PPA1: variants seen among roughly 807,000 people sequenced by gnomAD.
PPA1 encodes inorganic pyrophosphatase 1, also known as inorganic pyrophosphatase.
A neutral mutation model predicts 41.8 loss-of-function variants in PPA1; 23 were observed. The observed-to-expected ratio is 0.55, with a 90% CI of 0.40 to 0.78. The LOEUF is 0.78. Ranked by LOEUF, PPA1 falls within the 30% of genes least tolerant of loss-of-function variation. The probability of loss-of-function intolerance (pLI) is 0.00; values close to 1 mark genes in which losing one functional copy is unlikely to be tolerated. For missense variants in PPA1, 320 were observed against 361.6 expected (o/e 0.89, Z 0.93); for synonymous variants, 101 against 116.8 (o/e 0.86, Z 0.87).
Position 70,213,453 on chromosome 10 carries a change from A to G in PPA1, c.511+10T>C. On this transcript the variant is annotated intron_variant, in intron 6 of 10. Coordinates refer to ENST00000373232, the MANE Select transcript of PPA1 (RefSeq NM_021129.4). Reference sequence around the variant, plus strand: ...ATTAGAAAGACTTCAGACTTTTCAAATTTTCTTACCATTATAATTGGCTGC... The same window carrying G: ...ATTAGAAAGACTTCAGACTTTTCAAGTTTTCTTACCATTATAATTGGCTGC... 2 of 1,613,458 alleles carry G rather than the reference A, an allele frequency of 1.2e-6. No homozygotes were observed. The highest frequency in any genetic ancestry group is 1.7e-6 in the Non-Finnish European group (2 of 1,179,658).
chr10:70,229,598 G>T (rs1020214898), intron 2 of PPA1, among the ~76,000 whole-genome samples: 1 of 147,484 alleles, frequency 6.8e-6, no homozygotes, highest in African/African-American at 2.7e-5. Context: ...TATCTTAACT[G>T]TGCAAATCTT....
chr10:70,218,093 C>A (rs774717852), intron 3 of PPA1, among the ~76,000 whole-genome samples, 162 bp from the exon 4 acceptor site: 3 of 151,956 alleles, frequency 2.0e-5, no homozygotes, highest in Non-Finnish European at 4.4e-5. Flanking sequence ...TTTCCATAAT[C>A]GGCCATTAAG....
chr10:70,221,770 C>T (rs536910406), intron 2 of PPA1, among the ~76,000 whole-genome samples: 3 of 152,096 alleles, frequency 2.0e-5, no homozygotes, highest in African/African-American at 7.2e-5. Flanking sequence ...CTGTTAATTT[C>T]GTTAAAACAC....
chr10:70,215,961 G>T (rs928649709), intron 4 of PPA1, among the ~76,000 whole-genome samples: 5 of 152,178 alleles, frequency 3.3e-5, no homozygotes, highest in African/African-American at 1.2e-4. Flanking sequence ...AGGATGTTAG[G>T]TTTAAAATGT....
At chr10:70,223,574 G>A (rs866202878) in intron 2 of PPA1, among the ~76,000 whole-genome samples, 1 of 152,054 alleles carries the variant, frequency 6.6e-6, no homozygotes, top group Non-Finnish European at 1.5e-5. Flanking sequence ...TACTACTAAA[G>A]AACAACCTTC....
intron 2 of PPA1, among the ~76,000 whole-genome samples, chr10:70,222,517 C>A (rs1840185277): frequency 6.6e-6 from 1 of 151,994 alleles, no homozygotes; most frequent in African/African-American, 2.4e-5. Flanking sequence ...GTTCTTTTAA[C>A]TCCCAAAGAG....
chr10:70,221,101 G>T (rs1840163819), intron 2 of PPA1, among the ~76,000 whole-genome samples: 2 of 66,014 alleles, frequency 3.0e-5, no homozygotes. Flanking sequence ...TTTTTGTAGA[G>T]ATGGAGCTTT....
chr10:70,206,481 T>A (rs1839940087), intron 8 of PPA1, 148 bp from the exon 9 acceptor site: 1 of 632,626 alleles, frequency 1.6e-6, no homozygotes, highest in South Asian at 1.9e-5. Flanking sequence ...ATTCTAATTA[T>A]GTATTTTGGC....
At chr10:70,229,892 AC>A (rs1227228610) in intron 2 of PPA1, among the ~76,000 whole-genome samples, 1 of 151,830 alleles carries the variant, frequency 6.6e-6, no homozygotes, top group African/African-American at 2.4e-5. Context: ...TAGTTTTAAG[AC>A]TAACTTCTTA....
At chr10:70,232,863 G>C (rs7089806) in intron 1 of PPA1, among the ~76,000 whole-genome samples, 106,548 of 147,470 alleles carry the variant, frequency 0.72, 38,759 homozygotes, top group Non-Finnish European at 0.8. Flanking sequence ...TGCCCCCCCC[G>C]GCCCGGAGTC....
intron 1 of PPA1, among the ~76,000 whole-genome samples, chr10:70,232,255 AGAGTTC>A (rs1487101617): frequency 6.6e-6 from 1 of 152,152 alleles, no homozygotes; most frequent in Non-Finnish European, 1.5e-5. Flanking sequence ...ACACCAACTC[AGAGTTC>A]GAGGCACCTG....
At position 70,233,415 on chromosome 10, in the gene PPA1, C is replaced by A. The variant is rs1840316126; in HGVS notation, c.-88G>T. 1.4e-6 allele frequency: 2 copies of A among 1,474,828 alleles called. No individual in the cohort carries two copies. Among genetic ancestry groups the A allele is most frequent in the East Asian group, 5.5e-5 (2 of 36,044 alleles). 91.4% of individuals were successfully genotyped at this position (1,474,828 alleles called of 1,614,324 possible). A position where few individuals can be genotyped will look rare whatever the true frequency, so the allele number is the denominator to read the frequency against. ...ACAAGGAGAGAGCCCCACGCCTGCG[C>A]ACTGCGAGCACTGGACCGGCGGGCG... On this transcript the variant is annotated 5_prime_UTR_variant, in exon 1 of 11. Transcript: ENST00000373232.
intron 4 of PPA1, among the ~76,000 whole-genome samples, chr10:70,214,987 G>A (rs1840062658): frequency 6.6e-6 from 1 of 152,152 alleles, no homozygotes; most frequent in Non-Finnish European, 1.5e-5. Context: ...CTGAGGTCAG[G>A]AGTTTGAGAC....
chr10:70,207,573 G>A (rs933088670), intron 8 of PPA1, among the ~76,000 whole-genome samples: 1 of 152,064 alleles, frequency 6.6e-6, no homozygotes, highest in Non-Finnish European at 1.5e-5. Context: ...GGCAGGCTGA[G>A]ACAGAAGGAT....
In PPA1 at chr10:70,220,173, A is replaced by AC. The variant is rs1840121390; in HGVS notation, c.124-1357dup. On this transcript the variant is annotated intron_variant, in intron 2 of 10. Transcript: ENST00000373232. The stretch of plus-strand genomic sequence containing the variant: ...TCAAACTCCTGACCTCAGGTGATCC[A>AC]CCCGCCTCAGCCTCCCAAAGTGCTG... 2.7e-5 allele frequency among the ~76,000 whole-genome samples: 4 copies of AC among 148,390 alleles called. No homozygotes were observed. The South Asian group carries it at 8.5e-4, about 31-fold the overall frequency.
At chr10:70,213,414 G>A (rs1840044112) in intron 6 of PPA1, 49 bp downstream of exon 6, 41 of 1,602,444 alleles carry the variant, frequency 2.6e-5, no homozygotes, top group Non-Finnish European at 3.4e-5. Flanking sequence ...AAGTATGGTG[G>A]TGCTTATGAA....
At chr10:70,227,684 T>C (rs1476822126) in intron 2 of PPA1, among the ~76,000 whole-genome samples, 3 of 145,698 alleles carry the variant, frequency 2.1e-5, no homozygotes, top group African/African-American at 5.1e-5. Flanking sequence ...AAGTCTGATA[T>C]GGATATGAGC....
rs915537844 is a variant in PPA1, at chr10:70,233,200, G to C, written c.64+64C>G. On this transcript the variant is annotated intron_variant, in intron 1 of 10. Coordinates refer to ENST00000373232, the MANE Select transcript of PPA1 (RefSeq NM_021129.4). ...CGAGCGCGGGCCGCACCCTCCCGGG[G>C]AGGCAAGGCCCGGGAATGAATGGGC... The C allele has an allele frequency of 6.7e-6, 10 of 1,497,060 alleles. No homozygotes were observed. The East Asian group carries it at 2.7e-4, about 41-fold the overall frequency. The allele number at this position is 1,497,060 out of a possible 1,614,324, so 92.7% of individuals were successfully genotyped here.
At position 70,233,421 on chromosome 10, in the gene PPA1, G is replaced by C; in HGVS notation, c.-94C>G. ...AGAGAGCCCCACGCCTGCGCACTGC[G>C]AGCACTGGACCGGCGGGCGGGGCGG... On this transcript the variant is annotated 5_prime_UTR_variant, in exon 1 of 11. Coordinates refer to ENST00000373232, the MANE Select transcript of PPA1 (RefSeq NM_021129.4). 3 of 1,470,976 alleles carry C rather than the reference G, an allele frequency of 2.0e-6. No individual in the cohort carries two copies. The highest frequency in any genetic ancestry group is 2.7e-6 in the Non-Finnish European group (3 of 1,116,282). 91.1% of individuals were successfully genotyped at this position (1,470,976 alleles called of 1,614,324 possible). A position where few individuals can be genotyped will look rare whatever the true frequency, so the allele number is the denominator to read the frequency against.
Sources: allele counts gnomAD v4.1 joint callset (sites outside exome capture counted in the v4.1 genomes callset), GRCh38; gene constraint gnomAD v4.1.1; transcripts MANE v1.5; gene names NCBI Gene and HGNC (gene_info 2026-07-23, HGNC 2026-07-21).